DNAH8: variants seen among roughly 807,000 people sequenced by gnomAD.
DNAH8 encodes the protein axonemal beta dynein heavy chain 8.
Under a neutral mutation model 562.1 loss-of-function variants are expected in DNAH8, and 382 were observed. The observed-to-expected ratio is 0.68, with a 90% CI of 0.63 to 0.74. The LOEUF (loss-of-function observed/expected upper bound fraction) is 0.74, where lower values mean the gene tolerates loss of function less well. DNAH8 is among the 30% of genes least tolerant of loss of function. The pLI is 0.00. For synonymous variants in DNAH8, 1,881 were observed against 1,919.4 expected (o/e 0.98, Z 0.52); for missense variants, 5,203 against 5,620.4 (o/e 0.93, Z 2.37).
At position 38,917,960 on chromosome 6, in the gene DNAH8, G is replaced by A. The variant is rs1327367755; in HGVS notation, c.10344G>A (p.Gln3448=). ...CAACAGGATTCCTGTGGAGCCTTCA[G>A]CAGTTCCCTAAGGACACTATAAATG... ...MSATGFLWSL[Q]QFPKDTINEE... The change falls in exon 70 of 93, where the codon CAG becomes CAA. Residue 3448 remains glutamine, a synonymous_variant. Transcript: ENST00000327475. 4 of 1,613,574 alleles carry A rather than the reference G, an allele frequency of 2.5e-6. No individual in the cohort carries two copies. The highest frequency in any genetic ancestry group is 3.4e-6 in the Non-Finnish European group (4 of 1,179,786).
chr6:38,898,500 A>C lies in DNAH8; in HGVS notation c.9063+120A>C, dbSNP rs1413818328. 5.2e-6 allele frequency: 4 copies of C among 770,718 alleles called. No homozygotes were observed. The East Asian group carries it at 1.0e-4, about 19-fold the overall frequency. The allele number at this position is 770,718 out of a possible 1,614,324, so 47.7% of individuals were successfully genotyped here. ...TCAGGTACCGTATAGAAGACTGTACATAGGTTGGGTCAATTCACTGTCCCA... is the reference window on the plus strand; with the variant it reads ...TCAGGTACCGTATAGAAGACTGTACCTAGGTTGGGTCAATTCACTGTCCCA... On this transcript the variant is annotated intron_variant, in intron 61 of 92. Coordinates refer to ENST00000327475, the MANE Select transcript of DNAH8 (RefSeq NM_001206927.2).
intron 9 of DNAH8, among the ~76,000 whole-genome samples, chr6:38,752,443 C>T (rs1176625857): frequency 2.6e-5 from 4 of 152,270 alleles, no homozygotes; most frequent in African/African-American, 7.2e-5. Flanking sequence ...GGATTACAGG[C>T]GTGAGCCATC....
intron 13 of DNAH8, among the ~76,000 whole-genome samples, chr6:38,777,333 T>TTATATGTTATAAA (rs1271467022): frequency 5.3e-5 from 8 of 152,214 alleles, no homozygotes; most frequent in African/African-American, 1.9e-4. Context: ...TTATAAAGGC[T>TTATATGTTATAAA]TTATTGTGGA....
At chr6:38,995,350 A>C (rs1765066788) in intron 88 of DNAH8, among the ~76,000 whole-genome samples, 1 of 152,172 alleles carries the variant, frequency 6.6e-6, no homozygotes. Context: ...GATATTCATA[A>C]ATAAGAATGG....
chr6:38,736,778 C>T (rs890537478), intron 5 of DNAH8, among the ~76,000 whole-genome samples: 1 of 151,880 alleles, frequency 6.6e-6, no homozygotes, highest in Non-Finnish European at 1.5e-5. Context: ...GGTTTGGTTC[C>T]ACGTCCCTCA....
intron 74 of DNAH8, 49 bp from the exon 75 acceptor site, chr6:38,929,462 G>T (rs1337565881): frequency 6.8e-7 from 1 of 1,480,002 alleles, no homozygotes. Flanking sequence ...CCTTAGCAAT[G>T]GGCACATTCT....
chr6:38,933,062 GC>G (rs752940377), intron 76 of DNAH8: 1 of 152,444 alleles, frequency 6.6e-6, no homozygotes, highest in Non-Finnish European at 1.5e-5. Flanking sequence ...GATGGCCCTG[GC>G]CCGGCAATTC....
At chr6:38,971,940 T>G in intron 83 of DNAH8, 4 of 280,654 alleles carry the variant, frequency 1.4e-5, no homozygotes, top group East Asian at 6.1e-5. Flanking sequence ...AATGCATCTC[T>G]AGCAGTCTTG....
intron 70 of DNAH8, among the ~76,000 whole-genome samples, chr6:38,919,700 A>G (rs1781557383): frequency 6.6e-6 from 1 of 152,300 alleles, no homozygotes; most frequent in South Asian, 2.1e-4. Flanking sequence ...TCATTCTCTG[A>G]GTATAAGCAA....
At chr6:38,973,574 G>T in intron 83 of DNAH8, 87 bp from the exon 84 acceptor site, 1 of 1,092,242 alleles carries the variant, frequency 9.2e-7, no homozygotes, top group East Asian at 2.7e-5. Context: ...TATTCACATG[G>T]TTTTTAAAAA....
In DNAH8 at chr6:38,974,361, C is replaced by A; in HGVS notation, c.12679-13C>A. 2 of 1,587,164 alleles carry A rather than the reference C, an allele frequency of 1.3e-6. No individual in the cohort carries two copies. The highest frequency in any genetic ancestry group is 1.7e-6 in the Non-Finnish European group (2 of 1,169,782). On this transcript the variant is annotated splice_polypyrimidine_tract_variant and intron_variant, in intron 84 of 92. Coordinates refer to ENST00000327475, the MANE Select transcript of DNAH8 (RefSeq NM_001206927.2). ...TTTATAGAAACAAAAGCACTGTTTT[C>A]TTTTCATGACAGACCTCTCTCAAAT...
intron 9 of DNAH8, among the ~76,000 whole-genome samples, chr6:38,754,028 T>A (rs1263949609): frequency 6.6e-6 from 1 of 152,214 alleles, no homozygotes; most frequent in African/African-American, 2.4e-5. Context: ...TAACTGTCAT[T>A]TGGGTAGGAA....
intron 36 of DNAH8, among the ~76,000 whole-genome samples, chr6:38,846,704 C>A (rs531732459): frequency 3.3e-5 from 5 of 152,238 alleles, no homozygotes; most frequent in African/African-American, 1.2e-4. Context: ...GCAACTGCTG[C>A]CCTATGGTTC....
intron 47 of DNAH8, among the ~76,000 whole-genome samples, chr6:38,867,752 C>CAAAAAAAAAAAAAAAAACAAAAA (rs1777157021): frequency 1.1e-5 from 1 of 88,802 alleles, no homozygotes. Context: ...GACTCCATCT[C>CAAAAAAAAAAAAAAAAACAAAAA]AAAAAAAAAA....
intron 68 of DNAH8, among the ~76,000 whole-genome samples, chr6:38,916,226 A>T (rs1405851145): frequency 6.6e-6 from 1 of 152,132 alleles, no homozygotes; most frequent in African/African-American, 2.4e-5. Flanking sequence ...CATACAGAAA[A>T]ATGTATAGGA....
At chr6:38,996,366 T>C (rs1765131961) in intron 88 of DNAH8, among the ~76,000 whole-genome samples, 1 of 152,170 alleles carries the variant, frequency 6.6e-6, no homozygotes, top group Non-Finnish European at 1.5e-5. Context: ...ATGCCACATA[T>C]ATGTTGTCTA....
At chr6:38,724,209 T>G (rs1763019176) in intron 3 of DNAH8, among the ~76,000 whole-genome samples, 1 of 152,016 alleles carries the variant, frequency 6.6e-6, no homozygotes, top group African/African-American at 2.4e-5. Context: ...TCTTGATCTC[T>G]TGACCTCGTG....
At position 38,984,212 on chromosome 6, in the gene DNAH8, T is replaced by C. The variant is rs765743748; in HGVS notation, c.12958T>C (p.Ser4320Pro). ...LDECDIKKGV[S>P]WNTVRYMIGE... ...TTTTTTACTTTTAATAAAGGGTGTATCATGGAATACGGTTCGGTACATGAT... is the reference window on the plus strand; with the variant it reads ...TTTTTTACTTTTAATAAAGGGTGTACCATGGAATACGGTTCGGTACATGAT... The change falls in exon 87 of 93, where the codon TCA becomes CCA. Residue 4320 changes from serine (S) to proline (P), a missense_variant. By Grantham distance (74) the Ser-to-Pro change is moderately conservative. This residue lies in a region of DNAH8 where 1,399 missense variants were observed against 1,518.4 expected (regional missense o/e 0.92). Transcript: ENST00000327475. 17 of 1,569,508 alleles carry C rather than the reference T, an allele frequency of 1.1e-5. No individual in the cohort carries two copies. Among genetic ancestry groups the C allele is most frequent in the African/African-American group, 4.1e-5 (3 of 74,046 alleles).
chr6:38,984,444 G>A lies in DNAH8; in HGVS notation c.13053+137G>A, dbSNP rs150463812. 1.2e-3 allele frequency: 752 copies of A among 648,728 alleles called. 4 individuals are homozygous for A. In the African/African-American group the frequency reaches 0.012, roughly 11 times the overall value. 40.2% of individuals were successfully genotyped at this position (648,728 alleles called of 1,614,324 possible). A position where few individuals can be genotyped will look rare whatever the true frequency, so the allele number is the denominator to read the frequency against. On this transcript the variant is annotated intron_variant, in intron 87 of 92. Coordinates refer to ENST00000327475, the MANE Select transcript of DNAH8 (RefSeq NM_001206927.2). ...AATTAGCCAAGAAACAAATGCATGT[G>A]TGCGCTTACACACACGCACACACAT...
Sources: allele counts gnomAD v4.1 joint callset (sites outside exome capture counted in the v4.1 genomes callset), GRCh38; gene constraint gnomAD v4.1.1; regional missense constraint gnomAD v4.1.1; transcripts MANE v1.5; gene names NCBI Gene and HGNC (gene_info 2026-07-23, HGNC 2026-07-21).